Variants in ADAM18 observed in about 807,000 individuals in gnomAD.
ADAM18 encodes ADAM metallopeptidase domain 18, also known as disintegrin and metalloproteinase domain-containing protein 18.
A neutral mutation model predicts 94.4 loss-of-function variants in ADAM18; 117 were observed. The ratio of observed to expected loss-of-function variants is 1.24; its 90% confidence interval spans 1.07 to 1.45. ADAM18 has a LOEUF of 1.45. ADAM18 is among the 40% of genes most tolerant of loss of function. ADAM18 has a pLI of 0.00. For missense variants in ADAM18, 936 were observed against 880.0 expected (o/e 1.06, Z -0.81); for synonymous variants, 327 against 291.6 (o/e 1.12, Z -1.24).
chr8:39,698,393 CT>C (rs1437468530), intron 17 of ADAM18, among the ~76,000 whole-genome samples: 19 of 151,770 alleles, frequency 1.3e-4, no homozygotes, highest in African/African-American at 4.6e-4. Flanking sequence ...CTTGTAAAGT[CT>C]ATATAATTTG....
At chr8:39,668,849 G>T (rs1821067352) in intron 14 of ADAM18, among the ~76,000 whole-genome samples, 1 of 152,040 alleles carries the variant, frequency 6.6e-6, no homozygotes, top group Admixed American at 6.6e-5. Flanking sequence ...AGTAAAGGTG[G>T]TTTATTTGCC....
chr8:39,641,964 G>A (rs1016169545), intron 10 of ADAM18, among the ~76,000 whole-genome samples: 1 of 152,100 alleles, frequency 6.6e-6, no homozygotes, highest in Non-Finnish European at 1.5e-5. Context: ...TTACTAGTGT[G>A]AGATGGTATC....
intron 10 of ADAM18, among the ~76,000 whole-genome samples, chr8:39,643,528 A>G (rs1451043447): frequency 1.3e-5 from 2 of 152,114 alleles, no homozygotes; most frequent in Non-Finnish European, 2.9e-5. Context: ...CTGCCATAAC[A>G]AAATACCGCA....
intron 2 of ADAM18, among the ~76,000 whole-genome samples, chr8:39,600,508 G>C (rs923231144): frequency 6.6e-6 from 1 of 152,088 alleles, no homozygotes; most frequent in Non-Finnish European, 1.5e-5. Flanking sequence ...ATTTCATCTT[G>C]GTGGATTGTG....
At chr8:39,645,631 G>T (rs1820357209) in intron 11 of ADAM18, among the ~76,000 whole-genome samples, 157 bp downstream of exon 11, 1 of 152,064 alleles carries the variant, frequency 6.6e-6, no homozygotes, top group African/African-American at 2.4e-5. Flanking sequence ...TATACTTAGG[G>T]ATATATACTA....
At chr8:39,649,293 CTGTG>C (rs997088900) in intron 12 of ADAM18, among the ~76,000 whole-genome samples, 1 of 152,000 alleles carries the variant, frequency 6.6e-6, no homozygotes, top group African/African-American at 2.4e-5. Flanking sequence ...ATGTATGAGG[CTGTG>C]TGTATCTCTA....
chr8:39,637,125 G>T (rs1163886944), intron 7 of ADAM18, 139 bp from the exon 8 acceptor site: 5 of 424,592 alleles, frequency 1.2e-5, no homozygotes, highest in African/African-American at 8.5e-5. Flanking sequence ...TGTAGAATTT[G>T]CTCAAATCTG....
At chr8:39,599,054 A>G (rs1043288348) in intron 2 of ADAM18, among the ~76,000 whole-genome samples, 2 of 151,744 alleles carry the variant, frequency 1.3e-5, no homozygotes, top group African/African-American at 4.8e-5. Flanking sequence ...CTGGTGATCC[A>G]CTCACCTCGG....
intron 12 of ADAM18, among the ~76,000 whole-genome samples, chr8:39,654,743 A>G (rs933218649): frequency 3.7e-4 from 56 of 152,308 alleles, no homozygotes; most frequent in African/African-American, 1.3e-3. Context: ...CATTCTAACT[A>G]GGATGAGATG....
intron 6 of ADAM18, among the ~76,000 whole-genome samples, chr8:39,616,593 C>G (rs184313983): frequency 5.9e-5 from 9 of 152,058 alleles, no homozygotes; most frequent in Non-Finnish European, 1.0e-4. Context: ...AACAAAGCTG[C>G]AATCATCACA....
intron 14 of ADAM18, among the ~76,000 whole-genome samples, chr8:39,668,469 A>C (rs994900976): frequency 4.6e-5 from 7 of 152,166 alleles, no homozygotes; most frequent in Non-Finnish European, 7.4e-5. Context: ...TATAAACATT[A>C]AAATCAGTAG....
At chr8:39,654,359 C>T (rs549652392) in intron 12 of ADAM18, among the ~76,000 whole-genome samples, 10 of 151,280 alleles carry the variant, frequency 6.6e-5, no homozygotes, top group East Asian at 3.9e-4. Flanking sequence ...CGTGAGCCGC[C>T]GCACCTGGCT....
intron 2 of ADAM18, among the ~76,000 whole-genome samples, chr8:39,594,073 G>A (rs551341872): frequency 6.6e-6 from 1 of 152,050 alleles, no homozygotes; most frequent in South Asian, 2.1e-4. Flanking sequence ...TCATGCTTAT[G>A]TATAAATTAC....
intron 12 of ADAM18, among the ~76,000 whole-genome samples, chr8:39,656,454 T>C (rs1048173884): frequency 6.6e-6 from 1 of 152,142 alleles, no homozygotes; most frequent in Admixed American, 6.5e-5. Flanking sequence ...TTTACCTATT[T>C]GGTTTATATA....
intron 14 of ADAM18, among the ~76,000 whole-genome samples, chr8:39,675,426 T>C (rs369612295): frequency 9.2e-5 from 14 of 152,324 alleles, no homozygotes; most frequent in African/African-American, 3.4e-4. Context: ...GCTATTGATG[T>C]TTGTGCATGC....
chr8:39,602,461 C>T (rs1818934904), intron 2 of ADAM18, among the ~76,000 whole-genome samples: 1 of 152,114 alleles, frequency 6.6e-6, no homozygotes, highest in Non-Finnish European at 1.5e-5. Flanking sequence ...AGTCACAGTT[C>T]CACCCTTACT....
intron 18 of ADAM18, among the ~76,000 whole-genome samples, chr8:39,719,068 T>TA (rs1285510413): frequency 6.6e-6 from 1 of 151,096 alleles, no homozygotes; most frequent in Non-Finnish European, 1.5e-5. Context: ...TTGGAGGAAA[T>TA]ACACTGCCCA....
At chr8:39,689,327 G>T (rs1161608916) in intron 16 of ADAM18, among the ~76,000 whole-genome samples, 1 of 152,056 alleles carries the variant, frequency 6.6e-6, no homozygotes, top group Non-Finnish European at 1.5e-5. Flanking sequence ...ATAGTTTTGG[G>T]TTTTACATTT....
chr8:39,680,003 A>C (rs1201540745), intron 15 of ADAM18, 34 bp from the exon 16 acceptor site: 1 of 1,605,832 alleles, frequency 6.2e-7, no homozygotes, highest in African/African-American at 1.3e-5. Context: ...TTAAGAGATA[A>C]ACTGATAAGG....
Sources: allele counts gnomAD v4.1 joint callset (sites outside exome capture counted in the v4.1 genomes callset), GRCh38; gene constraint gnomAD v4.1.1; transcripts MANE v1.5; gene names NCBI Gene and HGNC (gene_info 2026-07-23, HGNC 2026-07-21).